The following TENM1 variants were observed in gnomAD, a reference collection of about 807,000 sequenced individuals.
The protein encoded by TENM1 is teneurin-1.
In TENM1, 35 loss-of-function variants were observed where a neutral mutation model predicts 174.8. The observed-to-expected ratio is 0.20, with a 90% CI of 0.15 to 0.27. TENM1 has a LOEUF of 0.27. Ranked by LOEUF, TENM1 falls within the 10% of genes least tolerant of loss-of-function variation. The probability of loss-of-function intolerance (pLI) is 1.00; values close to 1 mark genes in which losing one functional copy is unlikely to be tolerated. For synonymous variants in TENM1, 781 were observed against 798.7 expected (o/e 0.98, Z 0.37); for missense variants, 1,633 against 2,130.1 (o/e 0.77, Z 4.59).
chrX:125,117,572 G>T, the TENM1 span, among the ~76,000 whole-genome samples: 1 of 110,821 alleles, frequency 9.0e-6, no homozygotes, highest in Middle Eastern at 4.6e-3. Flanking sequence ...ATTAGGGGAG[G>T]GATAGCATTA....
chrX:125,098,689 G>A, the TENM1 span, among the ~76,000 whole-genome samples: 1 of 112,016 alleles, frequency 8.9e-6, no homozygotes, highest in Non-Finnish European at 1.9e-5. Flanking sequence ...AGCTTAAGTT[G>A]CGGGCTTGTT....
the TENM1 span, among the ~76,000 whole-genome samples, chrX:125,027,362 G>T: frequency 9.0e-6 from 1 of 111,597 alleles, no homozygotes; most frequent in Non-Finnish European, 1.9e-5. Context: ...AGTAAAAGCT[G>T]CAAGAAACCT....
chrX:124,389,965 A>C (rs1286217121), intron 28 of TENM1, among the ~76,000 whole-genome samples: 2 of 111,863 alleles, frequency 1.8e-5, no homozygotes, highest in Non-Finnish European at 3.8e-5. Context: ...AAAGGAACAA[A>C]AGTGAACTCA....
the TENM1 span, among the ~76,000 whole-genome samples, chrX:124,987,651 T>C: frequency 9.1e-6 from 1 of 109,659 alleles, no homozygotes; most frequent in Admixed American, 9.7e-5. Context: ...ATGAGACCAG[T>C]TAAGATGTTG....
chrX:124,528,477 G>C (rs981139152), intron 16 of TENM1, among the ~76,000 whole-genome samples: 1 of 110,959 alleles, frequency 9.0e-6, no homozygotes, highest in African/African-American at 3.3e-5. Context: ...TCTATTTAGA[G>C]AAATAACCCA....
chrX:124,946,808 T>C (rs983182277), intron 1 of TENM1, among the ~76,000 whole-genome samples: 2 of 107,744 alleles, frequency 1.9e-5, no homozygotes, highest in Admixed American at 1.0e-4. Context: ...GATGCAAAAA[T>C]CAAACGCTGA....
chrX:124,520,577 A>C, exon 18 of TENM1: 1 of 1,211,160 alleles, frequency 8.3e-7, no homozygotes, highest in Non-Finnish European at 1.1e-6. Context: ...TTCCAAGCAA[A>C]TGTGTAGACA....
At chrX:124,951,431 G>T (rs1472170176) in intron 1 of TENM1, among the ~76,000 whole-genome samples, 1 of 109,683 alleles carries the variant, frequency 9.1e-6, no homozygotes, top group Non-Finnish European at 1.9e-5. Flanking sequence ...ACATCCAAAT[G>T]CAATTCTACA....
the TENM1 span, among the ~76,000 whole-genome samples, chrX:124,984,641 T>C: frequency 1.3e-4 from 15 of 111,632 alleles, no homozygotes; most frequent in East Asian, 4.2e-3. Context: ...TAAATCTTTA[T>C]GGAATGGCTT....
chrX:124,896,741 A>G (rs1377381191), intron 1 of TENM1, among the ~76,000 whole-genome samples: 6 of 112,140 alleles, frequency 5.4e-5, no homozygotes, highest in East Asian at 5.6e-4. Context: ...TTTCTAAAGT[A>G]TTTTTCCTAA....
intron 15 of TENM1, among the ~76,000 whole-genome samples, chrX:124,537,476 G>C (rs2048229422): frequency 9.0e-6 from 1 of 111,389 alleles, no homozygotes; most frequent in Non-Finnish European, 1.9e-5. Flanking sequence ...GTGGTGGAGG[G>C]GTGGAGATCT....
chrX:124,648,294 C>A (rs959731875), intron 8 of TENM1, among the ~76,000 whole-genome samples: 2 of 112,420 alleles, frequency 1.8e-5, no homozygotes, highest in Admixed American at 1.9e-4. Flanking sequence ...GTATCTAGTC[C>A]ATTTGGGGGA....
intron 11 of TENM1, among the ~76,000 whole-genome samples, chrX:124,584,627 C>A (rs1278357380): frequency 8.1e-5 from 9 of 111,207 alleles, no homozygotes; most frequent in African/African-American, 3.0e-4. Context: ...ACCGCATCAA[C>A]TAAAGAGCAA....
exon 4 of TENM1, chrX:124,737,149 G>A (rs1411624095): frequency 3.3e-6 from 4 of 1,207,077 alleles, no homozygotes; most frequent in Admixed American, 2.2e-5. Context: ...CGGAGGTGGC[G>A]GTGGGAGGGG....
intron 3 of TENM1, among the ~76,000 whole-genome samples, chrX:124,803,398 G>A (rs955406600): frequency 1.2e-4 from 13 of 111,256 alleles, no homozygotes; most frequent in Middle Eastern, 4.6e-3. Flanking sequence ...CTTTCTAAGC[G>A]CTCTTATCTC....
chrX:124,989,910 T>C, the TENM1 span, among the ~76,000 whole-genome samples: 1 of 111,913 alleles, frequency 8.9e-6, no homozygotes, highest in East Asian at 2.8e-4. Context: ...CAATAAAGCA[T>C]TTGGCAGCTC....
Position 124,387,704 on chromosome X carries a change from T to A in TENM1, c.5689-1640A>T, listed in dbSNP as rs1402437447. ...CCTTCTGAGAATTATTGACTTTGAA[T>A]TGCATTTCAGTACCATGAAGTCAAA... is the stretch of plus-strand genomic sequence containing the variant. On this transcript the variant is annotated intron_variant, in intron 28 of 31. Transcript: ENST00000422452. 2.7e-5 allele frequency among the ~76,000 whole-genome samples: 3 copies of A among 112,632 alleles called. No individual in the cohort carries two copies. In the Admixed American group the frequency reaches 2.8e-4, roughly 11 times the overall value.
At chrX:124,936,359 T>C (rs1204493762) in intron 1 of TENM1, among the ~76,000 whole-genome samples, 1 of 111,260 alleles carries the variant, frequency 9.0e-6, no homozygotes, top group Non-Finnish European at 1.9e-5. Context: ...CTTCACATGC[T>C]CCGCTCTTCC....
intron 23 of TENM1, among the ~76,000 whole-genome samples, chrX:124,441,515 T>C (rs2060902161): frequency 8.9e-6 from 1 of 112,372 alleles, no homozygotes; most frequent in South Asian, 3.7e-4. Flanking sequence ...CTTTATCTTG[T>C]AGGAACTAAC....
Sources: allele counts gnomAD v4.1 joint callset (sites outside exome capture counted in the v4.1 genomes callset), GRCh38; gene constraint gnomAD v4.1.1; transcripts MANE v1.5; gene names NCBI Gene and HGNC (gene_info 2026-07-23, HGNC 2026-07-21).